Variants in LRFN5 observed in about 807,000 individuals in gnomAD.
LRFN5 encodes leucine rich repeat and fibronectin type III domain containing 5, also known as leucine-rich repeat and fibronectin type-III domain-containing protein 5.
A neutral mutation model predicts 45.6 loss-of-function variants in LRFN5; 24 were observed. That is an observed-to-expected ratio of 0.53 (90% confidence interval 0.38 to 0.74). The LOEUF is 0.74. LRFN5 is among the 30% of genes least tolerant of loss of function. LRFN5 has a pLI of 0.00. For missense variants in LRFN5, 776 were observed against 861.5 expected (o/e 0.90, Z 1.24); for synonymous variants, 340 against 313.8 (o/e 1.08, Z -0.88).
intron 1 of LRFN5, among the ~76,000 whole-genome samples, chr14:41,707,021 C>G (rs1883094636): frequency 6.6e-6 from 1 of 152,170 alleles, no homozygotes; most frequent in South Asian, 2.1e-4. Context: ...AGGAGGTGCA[C>G]TTGCTCCCTC....
Position 41,606,934 on chromosome 14 carries a change from C to A in LRFN5, c.-1825C>A, listed in dbSNP as rs534611431. Reference sequence around the variant, plus strand: ...GCTCAGTTCCACGCGGCCAGGAGGCCGCCGTTGCCCACACGCGACGCTTTG... The same window carrying A: ...GCTCAGTTCCACGCGGCCAGGAGGCAGCCGTTGCCCACACGCGACGCTTTG... On this transcript the variant is annotated 5_prime_UTR_variant, in exon 1 of 6. Transcript: ENST00000298119. Among the ~76,000 whole-genome samples the A allele has an allele frequency of 1.8e-4, 28 of 152,076 alleles. No homozygotes were observed. The highest frequency in any genetic ancestry group is 6.5e-4 in the African/African-American group (27 of 41,540).
At chr14:41,718,318 A>G (rs758091253) in intron 1 of LRFN5, among the ~76,000 whole-genome samples, 1 of 152,170 alleles carries the variant, frequency 6.6e-6, no homozygotes, top group Non-Finnish European at 1.5e-5. Flanking sequence ...CCGTCTTGCA[A>G]TTTAAAATAT....
At chr14:41,768,152 A>T (rs567749455) in intron 2 of LRFN5, among the ~76,000 whole-genome samples, 1 of 152,288 alleles carries the variant, frequency 6.6e-6, no homozygotes, top group South Asian at 2.1e-4. Context: ...ATTACATGTC[A>T]ATATGCAATA....
intron 1 of LRFN5, among the ~76,000 whole-genome samples, chr14:41,693,054 C>T (rs1882451420): frequency 1.3e-5 from 2 of 151,990 alleles, no homozygotes; most frequent in South Asian, 4.2e-4. Context: ...TATGTGTGTG[C>T]ATTTATTTGT....
At chr14:41,712,873 T>TA (rs1455776666) in intron 1 of LRFN5, among the ~76,000 whole-genome samples, 14 of 152,132 alleles carry the variant, frequency 9.2e-5, no homozygotes, top group Non-Finnish European at 2.1e-4. Context: ...TTTAATCTGG[T>TA]ACAATGTATA....
At chr14:41,858,761 A>T (rs999345925) in intron 2 of LRFN5, among the ~76,000 whole-genome samples, 1 of 152,008 alleles carries the variant, frequency 6.6e-6, no homozygotes, top group African/African-American at 2.4e-5. Context: ...CTTTGTCTCC[A>T]CCACTACACA....
intron 1 of LRFN5, among the ~76,000 whole-genome samples, chr14:41,633,049 C>A (rs1420775450): frequency 2.6e-5 from 4 of 152,044 alleles, no homozygotes; most frequent in African/African-American, 7.2e-5. Context: ...CCCTATGAAC[C>A]TCAGGGTCTT....
intron 1 of LRFN5, among the ~76,000 whole-genome samples, chr14:41,706,018 C>A (rs1394563466): frequency 1.3e-5 from 2 of 152,178 alleles, no homozygotes; most frequent in African/African-American, 4.8e-5. Flanking sequence ...ATAATTGATT[C>A]AACCATATGC....
At chr14:41,786,051 G>C (rs1886709094) in intron 2 of LRFN5, among the ~76,000 whole-genome samples, 1 of 152,078 alleles carries the variant, frequency 6.6e-6, no homozygotes, top group African/African-American at 2.4e-5. Context: ...GGTACAAGAA[G>C]CTTACAATGG....
chr14:41,607,080 C>T lies in LRFN5; in HGVS notation c.-1679C>T, dbSNP rs1029008099. Among the ~76,000 whole-genome samples, 4 of 152,192 alleles carry T rather than the reference C, an allele frequency of 2.6e-5. No homozygotes were observed. Among genetic ancestry groups the T allele is most frequent in the African/African-American group, 9.6e-5 (4 of 41,454 alleles). ...TGGCCAGCGGGCGGGGCGCTGTGTT[C>T]CGCGGCGCGCAGGGAGGCGGTGAGC... On this transcript the variant is annotated 5_prime_UTR_variant, in exon 1 of 6. Transcript: ENST00000298119.
intron 1 of LRFN5, among the ~76,000 whole-genome samples, chr14:41,658,272 A>G (rs1382263856): frequency 6.6e-6 from 1 of 152,004 alleles, no homozygotes; most frequent in East Asian, 1.9e-4. Flanking sequence ...ATGAAGAGGG[A>G]CTGGCATTTT....
intron 2 of LRFN5, among the ~76,000 whole-genome samples, chr14:41,810,732 C>A (rs1887707536): frequency 6.6e-6 from 1 of 151,942 alleles, no homozygotes; most frequent in Non-Finnish European, 1.5e-5. Context: ...ATATTTCATC[C>A]CATTCTCATC....
At chr14:41,791,717 T>C (rs185010580) in intron 2 of LRFN5, among the ~76,000 whole-genome samples, 6 of 152,230 alleles carry the variant, frequency 3.9e-5, no homozygotes, top group Non-Finnish European at 7.4e-5. Context: ...TGATACTATG[T>C]TTCCATTAAG....
Position 41,887,975 on chromosome 14 carries a change from G to T in LRFN5, c.1350G>T (p.Gln450His). 2.5e-6 allele frequency: 4 copies of T among 1,609,466 alleles called. No homozygotes were observed. The highest frequency in any genetic ancestry group is 3.4e-6 in the Non-Finnish European group (4 of 1,177,768). The change falls in exon 3 of 6, where the codon CAG becomes CAT. Residue 450 changes from glutamine to histidine, a missense_variant. Gln to His is a conservative substitution (Grantham distance 24, BLOSUM62 0). Around this residue, in one of 2 missense-constraint regions of LRFN5, gnomAD observed 465 missense variants for 456.4 expected, o/e 1.02. Transcript: ENST00000298119. This position sits in a 1 kb window ranked among gnomAD's most constrained non-coding sequence, Gnocchi z 4.8. ...CTGGAATACGTATGTTTCAAATCCA[G>T]TACAATGGTACTTATGATGACACCC... is the stretch of plus-strand genomic sequence containing the variant. ...NIPGIRMFQI[Q>H]YNGTYDDTLV... is the part of the protein sequence containing the mutation.
chr14:41,679,008 T>C (rs1483648311), intron 1 of LRFN5, among the ~76,000 whole-genome samples: 2 of 151,858 alleles, frequency 1.3e-5, no homozygotes, highest in African/African-American at 4.8e-5. Context: ...CACAGCAGGA[T>C]GCAACACCAG....
At chr14:41,728,143 T>G (rs1884013531) in intron 1 of LRFN5, among the ~76,000 whole-genome samples, 3 of 152,206 alleles carry the variant, frequency 2.0e-5, no homozygotes, top group Admixed American at 2.0e-4. Context: ...TGTATTTCAC[T>G]TTGAGCAATC....
chr14:41,826,760 T>A (rs1370574953), intron 2 of LRFN5, among the ~76,000 whole-genome samples: 1 of 152,030 alleles, frequency 6.6e-6, no homozygotes, highest in Non-Finnish European at 1.5e-5. Flanking sequence ...TCTGGACATG[T>A]TATTTAAATA....
intron 1 of LRFN5, among the ~76,000 whole-genome samples, chr14:41,647,321 G>A (rs1311525672): frequency 6.6e-6 from 1 of 152,106 alleles, no homozygotes; most frequent in African/African-American, 2.4e-5. Context: ...AGCTTATCTG[G>A]GAAAGCAAAT....
chr14:41,624,904 AT>A (rs558776352), intron 1 of LRFN5, among the ~76,000 whole-genome samples: 1,509 of 147,400 alleles, frequency 0.01, 13 homozygotes, highest in African/African-American at 0.028. Context: ...CTGCTTCTTA[AT>A]TTTTTTTTTT....
Sources: gnomAD v4.1 joint callset for allele counts (sites outside exome capture counted in the v4.1 genomes callset) on GRCh38, gnomAD v4.1.1 for gene constraint, gnomAD v4.1.1 regional missense constraint, Gnocchi (gnomAD v3.1) non-coding constraint, MANE v1.5 for transcripts, NCBI Gene and HGNC (gene_info 2026-07-23, HGNC 2026-07-21) for gene names.